The following MYO15A variants were observed in gnomAD, a reference collection of about 807,000 sequenced individuals.
The protein encoded by MYO15A is myosin XVA.
Under a neutral mutation model 394.6 loss-of-function variants are expected in MYO15A, and 308 were observed. The observed-to-expected ratio is 0.78, with a 90% CI of 0.71 to 0.86. The LOEUF is 0.86. Among genes scored for constraint, MYO15A ranks in the 40% least tolerant of loss-of-function variants. The pLI is 0.00. For missense variants in MYO15A, 4,606 were observed against 4,799.1 expected (o/e 0.96, Z 1.19); for synonymous variants, 1,957 against 2,003.8 (o/e 0.98, Z 0.62).
At chr17:18,157,287 G>A (rs1238936689) in intron 50 of MYO15A, 57 bp downstream of exon 50, 12 of 1,552,456 alleles carry the variant, frequency 7.7e-6, no homozygotes, top group Admixed American at 3.9e-5. Context: ...TCACCCACTC[G>A]TGGTGCAGAT....
rs983107737 is a variant in MYO15A, at chr17:18,155,348, T to C, written c.8375T>C (p.Val2792Ala). Reference protein sequence around the residue: ...SVGTGVQLLAVSHVGIKLLRM... With the variant: ...SVGTGVQLLAASHVGIKLLRM... ...GGCACTGGTGTGCAGCTCCTAGCTG[T>C]GTCCCACGTGGGCATCAAACTCCTG... is the stretch of plus-strand genomic sequence containing the variant. The change falls in exon 47 of 66, where the codon GTG becomes GCG. Residue 2792 changes from valine to alanine, a missense_variant. Transcript: ENST00000647165. 1.2e-6 allele frequency: 2 copies of C among 1,613,656 alleles called. No homozygotes were observed. The highest frequency in any genetic ancestry group is 2.7e-5 in the African/African-American group (2 of 74,936).
Position 18,147,416 on chromosome 17 carries a change from T to C in MYO15A, c.6510-613T>C, listed in dbSNP as rs2046500447. ...GTTCCCTCTCTAGCTACTGTGGGCC[T>C]GCACCAGTGCTGCTCTTGGCCAGGC... On this transcript the variant is annotated intron_variant, in intron 30 of 65. Transcript: ENST00000647165. This position sits in a 1 kb window ranked among gnomAD's most constrained non-coding sequence, Gnocchi z 4.4. 6.6e-6 allele frequency among the ~76,000 whole-genome samples: 1 copy of C among 152,202 alleles called. No homozygotes were observed. Among genetic ancestry groups the C allele is most frequent in the African/African-American group, 2.4e-5 (1 of 41,452 alleles).
At chr17:18,110,920 C>T (rs1450873466) in intron 1 of MYO15A, among the ~76,000 whole-genome samples, 1 of 152,240 alleles carries the variant, frequency 6.6e-6, no homozygotes, top group Non-Finnish European at 1.5e-5. Context: ...CCCTCTTATC[C>T]TTCAGATCTT....
In MYO15A at chr17:18,119,569, C is replaced by G. The variant is rs2045864747; in HGVS notation, c.769C>G (p.Gln257Glu). The G allele has an allele frequency of 6.2e-7, 1 of 1,606,588 alleles. No homozygotes were observed. The highest frequency in any genetic ancestry group is 8.5e-7 in the Non-Finnish European group (1 of 1,179,946). Residue 257 changes from glutamine to glutamate, a missense_variant, in exon 2 of 66, where the codon CAG (glutamine) becomes GAG (glutamate). By Grantham distance (29) the Gln-to-Glu change is conservative. Transcript: ENST00000647165. ...GCAGTCACTCCACCGCTACGAGGAG[C>G]AGGAACCCTACCTGGCGGGCCTCGG... ...DRQSLHRYEEQEPYLAGLGPY... is the reference protein window; with the variant it reads ...DRQSLHRYEEEEPYLAGLGPY...
In MYO15A at chr17:18,126,885, G is replaced by T; in HGVS notation, c.3941+20G>T. On this transcript the variant is annotated intron_variant, in intron 6 of 65. Coordinates refer to ENST00000647165, the MANE Select transcript of MYO15A (RefSeq NM_016239.4). ...CATTAGGTGAGTGGGCTGCCTTTAT[G>T]TGGGGGATAAATGGGGGACCTTAGG... The T allele has an allele frequency of 6.2e-7, 1 of 1,613,910 alleles. No individual in the cohort carries two copies. The highest frequency in any genetic ancestry group is 1.1e-5 in the South Asian group (1 of 91,076).
chr17:18,124,441 G>T lies in MYO15A; in HGVS notation c.3610-42G>T, dbSNP rs367955861. 1.6e-5 allele frequency: 25 copies of T among 1,591,820 alleles called. No individual in the cohort carries two copies. In the African/African-American group the frequency reaches 2.5e-4, roughly 16 times the overall value. On this transcript the variant is annotated intron_variant, in intron 2 of 65. Coordinates refer to ENST00000647165, the MANE Select transcript of MYO15A (RefSeq NM_016239.4). Reference sequence around the variant, plus strand: ...AGCCAGGGGTCAGTGGGGGAGGGGGGTGCCCTTCAACCTGCAGACACAGCC... The same window carrying T: ...AGCCAGGGGTCAGTGGGGGAGGGGGTTGCCCTTCAACCTGCAGACACAGCC...
At position 18,155,358 on chromosome 17, in the gene MYO15A, G is replaced by A. The variant is rs1448067793; in HGVS notation, c.8385G>A (p.Val2795=). Residue 2795 remains valine (V), a synonymous_variant, in exon 47 of 66, where the codon GTG becomes GTA. Coordinates refer to ENST00000647165, the MANE Select transcript of MYO15A (RefSeq NM_016239.4). ...TGVQLLAVSH[V]GIKLLRMVKG... ...TGCAGCTCCTAGCTGTGTCCCACGT[G>A]GGCATCAAACTCCTGAGGATGGTCA... 6.2e-7 allele frequency: 1 copy of A among 1,613,658 alleles called. No individual in the cohort carries two copies. Among genetic ancestry groups the A allele is most frequent in the Non-Finnish European group, 8.5e-7 (1 of 1,180,048 alleles).
At position 18,132,444 on chromosome 17, in the gene MYO15A, A is replaced by G. The variant is rs779559878; in HGVS notation, c.4207-9A>G. 3 of 1,613,042 alleles carry G rather than the reference A, an allele frequency of 1.9e-6. No individual in the cohort carries two copies. The highest frequency in any genetic ancestry group is 4.5e-5 in the East Asian group (2 of 44,848). ...CTCCCTTCTCTGTGCCCACCTACCCACTCTACAGGCCAAAAACGAGAGGAA... is the reference window on the plus strand; with the variant it reads ...CTCCCTTCTCTGTGCCCACCTACCCGCTCTACAGGCCAAAAACGAGAGGAA... On this transcript the variant is annotated splice_polypyrimidine_tract_variant and intron_variant, in intron 10 of 65. Coordinates refer to ENST00000647165, the MANE Select transcript of MYO15A (RefSeq NM_016239.4). This position sits in a 1 kb window ranked among gnomAD's most constrained non-coding sequence, Gnocchi z 4.6.
Position 18,141,101 on chromosome 17 carries a change from A to T in MYO15A, c.5489A>T (p.Glu1830Val), listed in dbSNP as rs1219512269. 5.6e-6 allele frequency: 9 copies of T among 1,613,876 alleles called. No homozygotes were observed. The highest frequency in any genetic ancestry group is 7.6e-6 in the Non-Finnish European group (9 of 1,180,032). ...CTGGAGACCGTGAGGATCCGCAAGG[A>T]GGGATTTCCAGTGCGCCTGCCTTTC... The part of the protein sequence containing the change: ...GVLETVRIRK[E>V]GFPVRLPFQG... The change falls in exon 22 of 66, where the codon GAG becomes GTG. Residue 1830 changes from glutamate to valine, a missense_variant. Glu to Val is a moderately radical substitution (Grantham distance 121). Around this residue, in one of 2 missense-constraint regions of MYO15A, gnomAD observed 2,776 missense variants for 3,109.3 expected, o/e 0.89. Transcript: ENST00000647165.
In MYO15A at chr17:18,149,530, G is replaced by A. The variant is rs757252089; in HGVS notation, c.7162G>A (p.Asp2388Asn). The change falls in exon 35 of 66, where the codon GAC becomes AAC. Residue 2388 changes from aspartate to asparagine, a missense_variant. Physicochemically the swap from Asp to Asn is conservative, Grantham distance 23. This residue lies in a region of MYO15A where 2,776 missense variants were observed against 3,109.3 expected (regional missense o/e 0.89). Transcript: ENST00000647165. ...GEPAVPHKGLDCYLDSLFDPV... is the reference protein window; with the variant it reads ...GEPAVPHKGLNCYLDSLFDPV... ...GCCTGCTGTGCCCCACAAGGGGCTG[G>A]ACTGCTACCTGGATAGCCTCTTTGA... is the stretch of plus-strand genomic sequence containing the variant. 6.2e-7 allele frequency: 1 copy of A among 1,614,206 alleles called. No homozygotes were observed.
chr17:18,145,681 C>T (rs1158221422), intron 29 of MYO15A, among the ~76,000 whole-genome samples, 191 bp from the exon 30 acceptor site: 3 of 152,128 alleles, frequency 2.0e-5, no homozygotes, highest in Non-Finnish European at 4.4e-5. Context: ...CACCACTGCA[C>T]TCCAGTCTGG....
rs1401851972 is a variant in MYO15A at position 18,121,489 on chromosome 17, G to A, written c.2689G>A (p.Ala897Thr). 1.9e-6 allele frequency: 3 copies of A among 1,551,456 alleles called. No individual in the cohort carries two copies. In the African/African-American group the frequency reaches 4.1e-5, roughly 21 times the overall value. The part of the protein sequence containing the change: ...VRLPFHRPPR[A>T]GAWRAPLEHR... Reference sequence around the variant, plus strand: ...CCTGCCCTTCCACCGACCGCCCAGGGCCGGGGCCTGGCGGGCGCCCCTGGA... The same window carrying A: ...CCTGCCCTTCCACCGACCGCCCAGGACCGGGGCCTGGCGGGCGCCCCTGGA... Residue 897 changes from alanine (A) to threonine (T), a missense_variant, in exon 2 of 66, where the codon GCC becomes ACC. By Grantham distance (58) the Ala-to-Thr change is moderately conservative (BLOSUM62 0). This residue lies in a region of MYO15A where 1,830 missense variants were observed against 1,689.7 expected (regional missense o/e 1.08). Coordinates refer to ENST00000647165, the MANE Select transcript of MYO15A (RefSeq NM_016239.4). The surrounding 1 kb of genome is among the most constrained non-coding windows in gnomAD (Gnocchi z 5.3).
chr17:18,121,817 G>A lies in MYO15A; in HGVS notation c.3017G>A (p.Gly1006Asp). 2 of 1,612,834 alleles carry A rather than the reference G, an allele frequency of 1.2e-6. No individual in the cohort carries two copies. The highest frequency in any genetic ancestry group is 1.7e-6 in the Non-Finnish European group (2 of 1,179,936). The change falls in exon 2 of 66, where the codon GGC becomes GAC. Residue 1006 changes from glycine (G) to aspartate (D), a missense_variant. By Grantham distance (94) the Gly-to-Asp change is moderately conservative. Coordinates refer to ENST00000647165, the MANE Select transcript of MYO15A (RefSeq NM_016239.4). This position sits in a 1 kb window ranked among gnomAD's most constrained non-coding sequence, Gnocchi z 5.3. ...PGPGQLTKSA[G>D]PTPEKPEEEA... ...CCTGGACAGCTCACCAAATCAGCTG[G>A]CCCAACCCCTGAGAAGCCTGAAGAA...
rs555855985 is a variant in MYO15A, at chr17:18,121,369, C to T, written c.2569C>T (p.Pro857Ser). ...GCCGCCCCTGGGGCTCTGCCACAGC[C>T]CGCGGCGCAGCTCCCTGAATCTGCC... The part of the protein sequence containing the change: ...PSPPLGLCHS[P>S]RRSSLNLPSR... The change falls in exon 2 of 66, where the codon CCG (proline) becomes TCG (serine). Residue 857 changes from proline to serine, a missense_variant. Physicochemically the swap from Pro to Ser is moderately conservative, Grantham distance 74 (BLOSUM62 -1). Coordinates refer to ENST00000647165, the MANE Select transcript of MYO15A (RefSeq NM_016239.4). The surrounding 1 kb of genome is among the most constrained non-coding windows in gnomAD (Gnocchi z 5.3). The T allele has an allele frequency of 4.6e-6, 7 of 1,508,196 alleles. No individual in the cohort carries two copies. In the African/African-American group the frequency reaches 7.1e-5, roughly 15 times the overall value. The allele number at this position is 1,508,196 out of a possible 1,614,324, so 93.4% of individuals were successfully genotyped here.
chr17:18,175,080 C>CTTTT (rs534149910), intron 65 of MYO15A, among the ~76,000 whole-genome samples: 1 of 133,354 alleles, frequency 7.5e-6, no homozygotes, highest in Non-Finnish European at 1.6e-5. Flanking sequence ...TCTCCTACCT[C>CTTTT]TTTTTTTTTT....
intron 2 of MYO15A, chr17:18,124,097 T>C (rs2045987872): frequency 3.2e-6 from 1 of 309,952 alleles, no homozygotes; most frequent in Non-Finnish European, 6.4e-6. Context: ...AGAGGCCCCA[T>C]GCACCAGGTC....
intron 1 of MYO15A, chr17:18,109,325 C>A: frequency 6.5e-6 from 1 of 153,966 alleles, no homozygotes; most frequent in East Asian, 1.8e-4. Flanking sequence ...AGGTGAGAGG[C>A]TCCAGCCACT....
intron 59 of MYO15A, 46 bp downstream of exon 59, chr17:18,163,367 G>A: frequency 6.3e-7 from 1 of 1,584,288 alleles, no homozygotes; most frequent in Non-Finnish European, 8.7e-7. Context: ...GAGGGGCAGG[G>A]ACAAGGACAG....
intron 7 of MYO15A, 118 bp from the exon 8 acceptor site, chr17:18,130,687 C>T: frequency 6.4e-7 from 1 of 1,562,914 alleles, no homozygotes; most frequent in Non-Finnish European, 8.7e-7. Context: ...CAGGTTTTTA[C>T]TAGTCCCTCC....
Sources: gnomAD v4.1 joint callset for allele counts (sites outside exome capture counted in the v4.1 genomes callset) on GRCh38, gnomAD v4.1.1 for gene constraint, gnomAD v4.1.1 regional missense constraint, Gnocchi (gnomAD v3.1) non-coding constraint, MANE v1.5 for transcripts, NCBI Gene and HGNC (gene_info 2026-07-23, HGNC 2026-07-21) for gene names.